Variants in CASR observed in about 807,000 individuals in gnomAD.
CASR encodes calcium sensing receptor.
In CASR, 23 loss-of-function variants were observed where a neutral mutation model predicts 69.1. The ratio of observed to expected loss-of-function variants is 0.33; its 90% CI spans 0.24 to 0.47. CASR has a LOEUF of 0.47. Ranked by LOEUF, CASR falls within the 20% of genes least tolerant of loss-of-function variation. The pLI is 1.00. For synonymous variants in CASR, 541 were observed against 544.7 expected, an observed-to-expected ratio of 0.99 and a Z score of 0.10; for missense variants, 924 against 1,356.1, an observed-to-expected ratio of 0.68 and a Z score of 5.00.
intron 1 of CASR, among the ~76,000 whole-genome samples, chr3:122,211,964 A>G (rs1381350082): frequency 6.6e-6 from 1 of 152,196 alleles, no homozygotes; most frequent in Non-Finnish European, 1.5e-5. Flanking sequence ...TGTTAGTGTA[A>G]TGCAAATTAG....
At chr3:122,225,185 A>G (rs577356155) in intron 1 of CASR, among the ~76,000 whole-genome samples, 1 of 152,276 alleles carries the variant, frequency 6.6e-6, no homozygotes, top group South Asian at 2.1e-4. Context: ...AGTCCCCAAA[A>G]GCAATTGCAA....
chr3:122,197,682 G>T (rs1192213186), intron 1 of CASR, among the ~76,000 whole-genome samples: 2 of 152,096 alleles, frequency 1.3e-5, no homozygotes, highest in African/African-American at 4.8e-5. Flanking sequence ...ACTGCCTTGT[G>T]CTGTTGATTC....
chr3:122,268,833 G>A (rs972628045), intron 4 of CASR, among the ~76,000 whole-genome samples: 11 of 152,232 alleles, frequency 7.2e-5, no homozygotes, highest in African/African-American at 2.4e-4. Context: ...AGTGATCTCA[G>A]AGAAGTGGTC....
At chr3:122,200,790 G>A (rs2073940772) in intron 1 of CASR, among the ~76,000 whole-genome samples, 1 of 152,078 alleles carries the variant, frequency 6.6e-6, no homozygotes. Flanking sequence ...ATGCAAAATG[G>A]ATTTCCAAAG....
At chr3:122,273,107 A>G (rs1449251442) in intron 4 of CASR, among the ~76,000 whole-genome samples, 3 of 152,238 alleles carry the variant, frequency 2.0e-5, no homozygotes, top group Admixed American at 6.5e-5. Context: ...GTTAAGAACC[A>G]AGGAACTGAA....
rs1576879670 is a variant in CASR, at chr3:122,285,560, C to G, written c.*369C>G. Reference sequence around the variant, plus strand: ...GCAGACTGATGGGACATCAAATTTGCCACCACTAGAGCTGAGAGTCTGAAA... The same window carrying G: ...GCAGACTGATGGGACATCAAATTTGGCACCACTAGAGCTGAGAGTCTGAAA... On this transcript the variant is annotated 3_prime_UTR_variant, in exon 7 of 7. Coordinates refer to ENST00000639785, the MANE Select transcript of CASR (RefSeq NM_000388.4). 3.8e-6 allele frequency: 1 copy of G among 260,916 alleles called. No homozygotes were observed. The highest frequency in any genetic ancestry group is 5.1e-5 in the South Asian group (1 of 19,662). The allele number at this position is 260,916 out of a possible 1,614,324, so 16.2% of individuals were successfully genotyped here. A position where few individuals can be genotyped will look rare whatever the true frequency, so the allele number is the denominator to read the frequency against.
chr3:122,276,527 C>A (rs1336553436), intron 5 of CASR, among the ~76,000 whole-genome samples: 1 of 152,102 alleles, frequency 6.6e-6, no homozygotes, highest in Non-Finnish European at 1.5e-5. Flanking sequence ...GTGGGACAAG[C>A]TTACATGACA....
chr3:122,254,514 ATTGCCC>A (rs1450820788), intron 2 of CASR, 140 bp downstream of exon 2: 1 of 846,266 alleles, frequency 1.2e-6, no homozygotes, highest in Non-Finnish European at 1.9e-6. Context: ...GCTGAAGCTT[ATTGCCC>A]CCACAACCTG....
chr3:122,285,122 G>A lies in CASR; in HGVS notation c.3168G>A (p.Val1056=). Residue 1056 remains valine, a synonymous_variant, in exon 7 of 7, where the codon GTG becomes GTA. Transcript: ENST00000639785. ...DPEELSPALV[V]SSSQSFVISG... is the part of the protein sequence containing the mutation. Reference sequence around the variant, plus strand: ...AAGAGTTGTCCCCAGCACTTGTAGTGTCCAGTTCACAGAGCTTTGTCATCA... The same window carrying A: ...AAGAGTTGTCCCCAGCACTTGTAGTATCCAGTTCACAGAGCTTTGTCATCA... 1 of 1,614,204 alleles carries A rather than the reference G, an allele frequency of 6.2e-7. No homozygotes were observed. Among genetic ancestry groups the A allele is most frequent in the East Asian group, 2.2e-5 (1 of 44,880 alleles).
intron 1 of CASR, among the ~76,000 whole-genome samples, chr3:122,198,959 C>T (rs965457616): frequency 3.3e-5 from 5 of 152,100 alleles, no homozygotes; most frequent in Non-Finnish European, 7.4e-5. Context: ...ATCTTTCCTG[C>T]TCTTTCCTCC....
intron 1 of CASR, among the ~76,000 whole-genome samples, chr3:122,217,131 G>T (rs972155405): frequency 2.0e-5 from 3 of 148,750 alleles, no homozygotes; most frequent in Admixed American, 1.3e-4. Context: ...TTTGAGACAA[G>T]GTCTGGCTCT....
At chr3:122,247,929 C>T (rs527735647) in intron 1 of CASR, among the ~76,000 whole-genome samples, 40 of 152,330 alleles carry the variant, frequency 2.6e-4, no homozygotes, top group African/African-American at 9.4e-4. Context: ...CCCAGCTCAG[C>T]TGCTTTTCAT....
rs751095642 is a variant in CASR, at chr3:122,261,956, G to A, written c.921G>A (p.Met307Ile). 1.6e-5 allele frequency: 26 copies of A among 1,614,018 alleles called. No individual in the cohort carries two copies. Among genetic ancestry groups the A allele is most frequent in the Non-Finnish European group, 2.0e-5 (24 of 1,179,964 alleles). Residue 307 changes from methionine to isoleucine, a missense_variant, in exon 4 of 7, where the codon ATG (methionine) becomes ATA (isoleucine). Met to Ile is a conservative substitution (Grantham distance 10, BLOSUM62 1). Transcript: ENST00000639785. ...EAWASSSLIAMPQYFHVVGGT... is the reference protein window; with the variant it reads ...EAWASSSLIAIPQYFHVVGGT... ...GGGCCAGCTCCTCCCTGATCGCCAT[G>A]CCTCAGTACTTCCACGTGGTTGGCG...
At chr3:122,203,510 T>C (rs2073977757) in intron 1 of CASR, among the ~76,000 whole-genome samples, 1 of 152,160 alleles carries the variant, frequency 6.6e-6, no homozygotes, top group African/African-American at 2.4e-5. Context: ...GATAACTATT[T>C]GTCTGTCTAA....
At chr3:122,256,977 G>C (rs2074561242) in intron 2 of CASR, 104 bp from the exon 3 acceptor site, 2 of 929,540 alleles carry the variant, frequency 2.2e-6, no homozygotes, top group Non-Finnish European at 3.5e-6. Context: ...TGAAGCCAGA[G>C]AGTAGTAACA....
chr3:122,215,222 T>C (rs552228008), intron 1 of CASR, among the ~76,000 whole-genome samples: 1 of 152,354 alleles, frequency 6.6e-6, no homozygotes, highest in African/African-American at 2.4e-5. Flanking sequence ...AATCTGCTGA[T>C]TTATTTTAAA....
intron 1 of CASR, among the ~76,000 whole-genome samples, chr3:122,187,988 T>C (rs1218484546): frequency 6.6e-6 from 1 of 152,208 alleles, no homozygotes; most frequent in African/African-American, 2.4e-5. Context: ...ACTTTCCTCA[T>C]AGGATTGCTG....
intron 5 of CASR, among the ~76,000 whole-genome samples, chr3:122,280,455 G>T (rs2074875286): frequency 6.6e-6 from 1 of 152,152 alleles, no homozygotes; most frequent in Non-Finnish European, 1.5e-5. Context: ...TTCCTAGTGT[G>T]GGTTTGGAAA....
chr3:122,232,281 C>T (rs1274800388), intron 1 of CASR, among the ~76,000 whole-genome samples: 2 of 152,178 alleles, frequency 1.3e-5, no homozygotes, highest in Non-Finnish European at 2.9e-5. Flanking sequence ...AGGTCCCTGG[C>T]TGCATAAAGA....
Sources: allele counts gnomAD v4.1 joint callset (sites outside exome capture counted in the v4.1 genomes callset), GRCh38; gene constraint gnomAD v4.1.1; transcripts MANE v1.5; gene names NCBI Gene and HGNC (gene_info 2026-07-23, HGNC 2026-07-21).